The following ARL15 variants were observed in gnomAD, a reference collection of about 807,000 sequenced individuals.
ARL15 encodes the protein ARF like GTPase 15.
Under a neutral mutation model 25.2 loss-of-function variants are expected in ARL15, and 19 were observed. The ratio of observed to expected loss-of-function variants is 0.75; its 90% CI spans 0.53 to 1.10. The LOEUF is 1.10. Ranked by LOEUF, ARL15 falls within the 50% of genes least tolerant of loss-of-function variation. ARL15 has a pLI of 0.00. For synonymous variants in ARL15, 94 were observed against 86.8 expected (o/e 1.08, Z -0.46); for missense variants, 220 against 246.0 (o/e 0.89, Z 0.71).
intron 4 of ARL15, among the ~76,000 whole-genome samples, chr5:54,105,070 A>G (rs1353615088): frequency 6.6e-6 from 1 of 151,296 alleles, no homozygotes; most frequent in African/African-American, 2.4e-5. Context: ...TCATAATTAT[A>G]ATAACTAACG....
intron 4 of ARL15, among the ~76,000 whole-genome samples, chr5:54,071,394 A>C (rs989879243): frequency 6.6e-6 from 1 of 151,978 alleles, no homozygotes. Flanking sequence ...AGAGCAAATC[A>C]CTCCCATAAG....
chr5:54,012,513 T>C (rs1403282833), intron 4 of ARL15, among the ~76,000 whole-genome samples: 4 of 151,786 alleles, frequency 2.6e-5, no homozygotes, highest in African/African-American at 9.7e-5. Context: ...CAACAAAAAA[T>C]AATATTTCTT....
At chr5:54,236,386 G>A (rs1756806877) in intron 1 of ARL15, among the ~76,000 whole-genome samples, 1 of 150,000 alleles carries the variant, frequency 6.7e-6, no homozygotes, top group South Asian at 2.1e-4. Context: ...AAGTGGCCGA[G>A]TTGAACTGAA....
intron 4 of ARL15, among the ~76,000 whole-genome samples, chr5:53,961,401 G>C (rs2112150456): frequency 6.6e-6 from 1 of 150,788 alleles, no homozygotes; most frequent in Admixed American, 6.7e-5. Context: ...GGGAGGCTGA[G>C]GCAGGAGAAT....
intron 1 of ARL15, among the ~76,000 whole-genome samples, chr5:54,246,648 T>C (rs1328710793): frequency 2.0e-5 from 3 of 152,136 alleles, no homozygotes; most frequent in Admixed American, 6.6e-5. Flanking sequence ...ATCTCTTACA[T>C]GTGTTTTGAA....
At chr5:54,268,134 T>G (rs1757677087) in intron 1 of ARL15, among the ~76,000 whole-genome samples, 1 of 152,168 alleles carries the variant, frequency 6.6e-6, no homozygotes, top group Admixed American at 6.5e-5. Context: ...TCTTTTCACA[T>G]AGTCCCATAT....
At chr5:53,979,809 T>C (rs569022847) in intron 4 of ARL15, among the ~76,000 whole-genome samples, 42 of 151,670 alleles carry the variant, frequency 2.8e-4, no homozygotes, top group Admixed American at 1.3e-3. Flanking sequence ...TCAGTCACAG[T>C]TGAAAGTCTT....
intron 4 of ARL15, among the ~76,000 whole-genome samples, chr5:54,085,796 C>T (rs1361686209): frequency 1.3e-5 from 2 of 152,038 alleles, no homozygotes; most frequent in South Asian, 2.1e-4. Flanking sequence ...GAATGGTCAG[C>T]GCCATAGGTG....
rs1744497079 is a variant in ARL15, at chr5:53,885,554, C to T, written c.*1007G>A. The T allele has an allele frequency of 6.6e-6, 1 of 152,530 alleles. No individual in the cohort carries two copies. The highest frequency in any genetic ancestry group is 2.1e-4 in the South Asian group (1 of 4,828). 9.4% of individuals were successfully genotyped at this position (152,530 alleles called of 1,614,324 possible). On this transcript the variant is annotated 3_prime_UTR_variant, in exon 5 of 5. Transcript: ENST00000504924. ...TTTAACTACTAGAGGAAGGCATTAA[C>T]AGATTCCAATAAACTACAGTAACAC...
chr5:53,968,945 C>T (rs902084260), intron 4 of ARL15, among the ~76,000 whole-genome samples: 10 of 151,558 alleles, frequency 6.6e-5, no homozygotes, highest in African/African-American at 2.2e-4. Context: ...GTCGGGAGTT[C>T]GAGACCAGCC....
intron 4 of ARL15, among the ~76,000 whole-genome samples, chr5:54,056,093 G>A (rs1176929464): frequency 6.6e-6 from 1 of 152,020 alleles, no homozygotes; most frequent in African/African-American, 2.4e-5. Flanking sequence ...AACAATGCAG[G>A]GTTACTATGG....
Position 54,064,241 on chromosome 5 carries a change from G to A in ARL15, c.462+48961C>T, listed in dbSNP as rs1464610563. Among the ~76,000 whole-genome samples the A allele has an allele frequency of 6.6e-5, 10 of 152,204 alleles. No homozygotes were observed. In the East Asian group the frequency reaches 9.7e-4, roughly 15 times the overall value. On this transcript the variant is annotated intron_variant, in intron 4 of 4. Transcript: ENST00000504924. ...GTCACGAGTATTCTAATGTGATACC[G>A]AAATACAGATGATGAGATTCTCTCT...
intron 1 of ARL15, among the ~76,000 whole-genome samples, chr5:54,184,467 A>G (rs1579886263): frequency 8.2e-6 from 1 of 122,300 alleles, no homozygotes; most frequent in Non-Finnish European, 1.7e-5. Flanking sequence ...AAAAAAAAAA[A>G]AAAGAGAGAG....
rs547263296 is a variant in ARL15, at chr5:54,178,157, C to T, written c.49-6229G>A. On this transcript the variant is annotated intron_variant, in intron 1 of 4. Transcript: ENST00000504924. The stretch of plus-strand genomic sequence containing the variant: ...ACTAGACGAGAATCTAGCTCAAAAT[C>T]CTCCCACTTTGGCACTGGCCCCTGC... 2.0e-5 allele frequency among the ~76,000 whole-genome samples: 3 copies of T among 152,302 alleles called. No individual in the cohort carries two copies. In the South Asian group the frequency reaches 6.2e-4, roughly 32 times the overall value.
intron 4 of ARL15, among the ~76,000 whole-genome samples, chr5:54,111,557 A>C (rs1341220230): frequency 6.6e-6 from 1 of 152,148 alleles, no homozygotes; most frequent in Non-Finnish European, 1.5e-5. Context: ...TAAGGAAAAC[A>C]GATACACAGG....
At chr5:53,974,437 T>G (rs548091123) in intron 4 of ARL15, among the ~76,000 whole-genome samples, 44 of 152,338 alleles carry the variant, frequency 2.9e-4, no homozygotes, top group African/African-American at 1.1e-3. Context: ...TGCCATATAT[T>G]GGTAGACATT....
At chr5:53,916,637 G>T (rs773873929) in intron 4 of ARL15, among the ~76,000 whole-genome samples, 2 of 152,146 alleles carry the variant, frequency 1.3e-5, no homozygotes, top group Non-Finnish European at 2.9e-5. Context: ...TACTAAGGCT[G>T]CCCAGCAAAT....
chr5:53,946,059 C>A (rs1446259597), intron 4 of ARL15, among the ~76,000 whole-genome samples: 1 of 152,192 alleles, frequency 6.6e-6, no homozygotes, highest in East Asian at 1.9e-4. Flanking sequence ...TCAGTTTCCT[C>A]ATGTATGAAT....
chr5:54,210,431 C>G (rs957386594), intron 1 of ARL15, among the ~76,000 whole-genome samples: 5 of 152,166 alleles, frequency 3.3e-5, no homozygotes, highest in African/African-American at 1.2e-4. Flanking sequence ...AAGACAATGG[C>G]TTCACTCATT....
Sources: allele counts gnomAD v4.1 joint callset (sites outside exome capture counted in the v4.1 genomes callset), GRCh38; gene constraint gnomAD v4.1.1; transcripts MANE v1.5; gene names NCBI Gene and HGNC (gene_info 2026-07-23, HGNC 2026-07-21).